SEMA4B: variants seen among roughly 807,000 people sequenced by gnomAD.
SEMA4B encodes semaphorin 4B.
In SEMA4B, 55 loss-of-function variants were observed where a neutral mutation model predicts 88.1. That is an observed-to-expected ratio of 0.62 (90% confidence interval 0.50 to 0.78). The LOEUF is 0.78. Ranked by LOEUF, SEMA4B falls within the 30% of genes least tolerant of loss-of-function variation. The pLI is 0.00. For missense variants in SEMA4B, 1,062 were observed against 1,111.9 expected (o/e 0.96, Z 0.64); for synonymous variants, 525 against 473.6 (o/e 1.11, Z -1.41).
chr15:90,223,323 T>C (rs1484051647), intron 7 of SEMA4B, among the ~76,000 whole-genome samples: 6 of 152,196 alleles, frequency 3.9e-5, no homozygotes, highest in Non-Finnish European at 8.8e-5. Context: ...CTTCCTTGTT[T>C]GCTCAGCAGT....
upstream of SEMA4B, among the ~76,000 whole-genome samples, chr15:90,198,566 G>A (rs28431776): frequency 3.5e-4 from 54 of 152,316 alleles, no homozygotes; most frequent in African/African-American, 1.3e-3. Flanking sequence ...ATATTAGGAG[G>A]AAGTTCAGAT....
intron 1 of SEMA4B, 146 bp from the exon 2 acceptor site, chr15:90,217,293 C>T: frequency 2.9e-6 from 2 of 695,046 alleles, no homozygotes; most frequent in East Asian, 5.5e-5. Flanking sequence ...CCCATCAAAC[C>T]TGATCCCCCT....
chr15:90,190,519 C>T (rs1960312325), intron 1 of SEMA4B: 1 of 152,414 alleles, frequency 6.6e-6, no homozygotes, highest in Non-Finnish European at 1.5e-5. Flanking sequence ...AGCTCCTCCT[C>T]CCTGGGAAGG....
chr15:90,209,325 C>T (rs1024082359), intron 1 of SEMA4B, among the ~76,000 whole-genome samples: 5 of 151,928 alleles, frequency 3.3e-5, no homozygotes, highest in South Asian at 4.2e-4. Flanking sequence ...CCGAGGCAGG[C>T]GGATCAGCTG....
intron 12 of SEMA4B, 71 bp from the exon 13 acceptor site, chr15:90,227,486 G>A: frequency 1.4e-6 from 2 of 1,446,838 alleles, no homozygotes; most frequent in Non-Finnish European, 1.9e-6. Context: ...GCCCAAGTCT[G>A]CAGTGAGGGG....
Position 90,228,030 on chromosome 15 carries a change from C to T in SEMA4B, c.1901C>T (p.Ser634Phe), listed in dbSNP as rs763433707. Residue 634 changes from serine to phenylalanine, a missense_variant, in exon 14 of 14, where the codon TCC (serine) becomes TTC (phenylalanine). By Grantham distance (155) the Ser-to-Phe change is radical. Transcript: ENST00000411539. ...GGGGCCCCCGTCAATGCCTCGGCCT[C>T]CTGCCACGTGCTACCCACTGGGGAC... Reference protein sequence around the residue: ...RNGAPVNASASCHVLPTGDLL... With the variant: ...RNGAPVNASAFCHVLPTGDLL... The T allele has an allele frequency of 6.2e-7, 1 of 1,613,944 alleles. No homozygotes were observed. The highest frequency in any genetic ancestry group is 1.3e-5 in the African/African-American group (1 of 75,060).
intron 1 of SEMA4B, among the ~76,000 whole-genome samples, chr15:90,185,757 C>T (rs1960146145): frequency 6.6e-6 from 1 of 151,926 alleles, no homozygotes; most frequent in East Asian, 1.9e-4. Context: ...AGTTTTTTTC[C>T]CCATAATGCC....
At chr15:90,208,035 T>C (rs1246118518) in intron 1 of SEMA4B, among the ~76,000 whole-genome samples, 2 of 152,262 alleles carry the variant, frequency 1.3e-5, no homozygotes, top group Admixed American at 1.3e-4. Context: ...GGTGGACCAC[T>C]TGAGGTCAGG....
chr15:90,221,106 G>A lies in SEMA4B; in HGVS notation c.595+13G>A, dbSNP rs117849058. 5.2e-3 allele frequency: 8,136 copies of A among 1,578,028 alleles called. 39 individuals carry two copies. Among genetic ancestry groups the A allele is most frequent in the Non-Finnish European group, 6.2e-3 (7,155 of 1,156,228 alleles). On this transcript the variant is annotated intron_variant, in intron 5 of 13. Coordinates refer to ENST00000411539, the MANE Select transcript of SEMA4B (RefSeq NM_198925.4). ...GCCCTGGTGGTTGGTGAGTGTTGAG[G>A]GCAGGATGGCTTCATTGAGGTTCCA... is the stretch of plus-strand genomic sequence containing the variant.
intron 1 of SEMA4B, among the ~76,000 whole-genome samples, chr15:90,188,605 A>G (rs1029560244): frequency 3.9e-5 from 6 of 151,950 alleles, no homozygotes; most frequent in East Asian, 3.9e-4. Flanking sequence ...TCCAGCCTGG[A>G]CGACAGAACA....
intron 12 of SEMA4B, 120 bp downstream of exon 12, chr15:90,225,947 T>C (rs368639081): frequency 2.8e-6 from 2 of 711,340 alleles, no homozygotes; most frequent in Admixed American, 7.5e-5. Flanking sequence ...TGTCTCAGCA[T>C]AATTATTAAT....
chr15:90,227,625 CG>C lies in SEMA4B; in HGVS notation c.1758del (p.Ser587LeufsTer20), dbSNP rs760259290. ...TGCAGCGCGTCTTCGGTTGTGTCCC[CG>C]TCTTTTGTACCAACAGGTGAGGTGC... ...DLCSASSVVS[P>X]SFVPTGEKPC... On this transcript the variant is annotated frameshift_variant, in exon 13 of 14. Coordinates refer to ENST00000411539, the MANE Select transcript of SEMA4B (RefSeq NM_198925.4). LOFTEE classifies it high-confidence loss of function. 6.2e-7 allele frequency: 1 copy of C among 1,614,006 alleles called. No individual in the cohort carries two copies. Among genetic ancestry groups the C allele is most frequent in the Non-Finnish European group, 8.5e-7 (1 of 1,179,882 alleles).
chr15:90,192,907 A>G (rs1960387107), intron 1 of SEMA4B, among the ~76,000 whole-genome samples: 1 of 151,934 alleles, frequency 6.6e-6, no homozygotes, highest in Non-Finnish European at 1.5e-5. Flanking sequence ...GCCTCTTTAT[A>G]ATGGATTCCT....
At chr15:90,208,865 C>T (rs1469564446) in intron 1 of SEMA4B, among the ~76,000 whole-genome samples, 2 of 152,088 alleles carry the variant, frequency 1.3e-5, no homozygotes, top group Admixed American at 6.6e-5. Context: ...CCTCAGCCTC[C>T]TGAGTAGCTG....
chr15:90,211,627 C>T (rs564324174), intron 1 of SEMA4B, among the ~76,000 whole-genome samples: 10 of 152,180 alleles, frequency 6.6e-5, no homozygotes, highest in Non-Finnish European at 1.3e-4. Flanking sequence ...GTGGCCCCGT[C>T]AGCACTCCTG....
chr15:90,227,557 G>A lies in SEMA4B; in HGVS notation c.1689G>A (p.Arg563=), dbSNP rs1962233920. 1.9e-6 allele frequency: 3 copies of A among 1,613,788 alleles called. No homozygotes were observed. Among genetic ancestry groups the A allele is most frequent in the African/African-American group, 2.7e-5 (2 of 74,928 alleles). ...VSLYQPQLAT[R]PWIQDIEGAS... ...TCCCAGAATTCTCTCTGGCCCTCAG[G>A]CCGTGGATCCAGGACATCGAGGGAG... Residue 563 remains arginine, a splice_region_variant and synonymous_variant, in exon 13 of 14, where the codon AGG becomes AGA. Transcript: ENST00000411539.
Position 90,201,375 on chromosome 15 carries a change from C to G in SEMA4B, c.-204C>G. The G allele has an allele frequency of 8.0e-7, 1 of 1,252,914 alleles. No homozygotes were observed. Among genetic ancestry groups the G allele is most frequent in the Non-Finnish European group, 1.0e-6 (1 of 999,364 alleles). The allele number at this position is 1,252,914 out of a possible 1,614,324, so 77.6% of individuals were successfully genotyped here. On this transcript the variant is annotated 5_prime_UTR_variant, in exon 1 of 14. Transcript: ENST00000411539. ...CAAGCCGAGGCTGCGGGGCCGGCGC[C>G]GGCGGGAGGACTGCGGTGCCCCGCG...
In SEMA4B at chr15:90,201,593, G is replaced by A. The variant is rs759805281; in HGVS notation, c.15G>A (p.Ala5=). 6.6e-7 allele frequency: 1 copy of A among 1,505,702 alleles called. No homozygotes were observed. The highest frequency in any genetic ancestry group is 2.1e-5 in the Admixed American group (1 of 48,720). 93.3% of individuals were successfully genotyped at this position (1,505,702 alleles called of 1,614,324 possible). ...CTGCTCTCCGAATGCTGCGCACCGC[G>A]ATGGGCCTGAGGAGCTGGCTCGCCG... MLRT[A]MGLRSWLAAP... The change falls in exon 1 of 14, where the codon GCG becomes GCA. Residue 5 remains alanine, a synonymous_variant. Transcript: ENST00000411539.
intron 1 of SEMA4B, among the ~76,000 whole-genome samples, chr15:90,211,381 C>T (rs749795029): frequency 6.6e-6 from 1 of 152,204 alleles, no homozygotes; most frequent in Non-Finnish European, 1.5e-5. Flanking sequence ...CCCTTGCCCT[C>T]GTTGCCACTT....
Sources: allele counts gnomAD v4.1 joint callset (sites outside exome capture counted in the v4.1 genomes callset), GRCh38; gene constraint gnomAD v4.1.1; transcripts MANE v1.5; gene names NCBI Gene and HGNC (gene_info 2026-07-23, HGNC 2026-07-21).